The following CNTRL variants were observed in gnomAD, a reference collection of about 807,000 sequenced individuals.
CNTRL encodes 110 kDa centrosomal protein.
A neutral mutation model predicts 303.7 loss-of-function variants in CNTRL; 233 were observed. The observed-to-expected ratio is 0.77, with a 90% CI of 0.69 to 0.86. The LOEUF (loss-of-function observed/expected upper bound fraction) is 0.86. Among genes scored for constraint, CNTRL ranks in the 40% least tolerant of loss-of-function variants. The probability of loss-of-function intolerance (pLI) is 0.00; values close to 1 mark genes in which losing one functional copy is unlikely to be tolerated. For synonymous variants in CNTRL, 900 were observed against 922.2 expected, an observed-to-expected ratio of 0.98 and a Z score of 0.44; for missense variants, 2,524 against 2,650.6, an observed-to-expected ratio of 0.95 and a Z score of 1.05.
In CNTRL at chr9:121,123,058, T is replaced by G. The variant is rs118183025; in HGVS notation, c.1651-873T>G. 4.6e-3 allele frequency among the ~76,000 whole-genome samples: 702 copies of G among 152,322 alleles called. 7 individuals carry two copies. Among genetic ancestry groups the G allele is most frequent in the Non-Finnish European group, 4.9e-3 (336 of 68,022 alleles). ...TTATCTATTTCATACCTCTATTTTC[T>G]TCTAAGAAACCTTTTTTAAAAAGTA... On this transcript the variant is annotated intron_variant, in intron 12 of 43. Transcript: ENST00000373855.
chr9:121,096,579 T>G lies in CNTRL; in HGVS notation c.621+16T>G. 7.1e-7 allele frequency: 1 copy of G among 1,408,388 alleles called. No individual in the cohort carries two copies. The allele number at this position is 1,408,388 out of a possible 1,614,324, so 87.2% of individuals were successfully genotyped here. On this transcript the variant is annotated intron_variant, in intron 6 of 43. Coordinates refer to ENST00000373855, the MANE Select transcript of CNTRL (RefSeq NM_007018.6). ...GATATCATCGGTAAGTTATTCAAAATAGCAGGAATTTTTAGACTTGTTAAA... is the reference window on the plus strand; with the variant it reads ...GATATCATCGGTAAGTTATTCAAAAGAGCAGGAATTTTTAGACTTGTTAAA...
Position 121,164,949 on chromosome 9 carries a change from A to T in CNTRL, c.5430A>T (p.Leu1810Phe). The T allele has an allele frequency of 6.2e-7, 1 of 1,610,252 alleles. No individual in the cohort carries two copies. Among genetic ancestry groups the T allele is most frequent in the Non-Finnish European group, 8.5e-7 (1 of 1,178,864 alleles). Residue 1810 changes from leucine to phenylalanine, a missense_variant, in exon 35 of 44, where the codon TTA (leucine) becomes TTT (phenylalanine). Transcript: ENST00000373855. ...GACTTACTCTCTGTGGTAGGGTTTTAGCAGCAGCAGAAGAAAATAGCAAAA... is the reference window on the plus strand; with the variant it reads ...GACTTACTCTCTGTGGTAGGGTTTTTGCAGCAGCAGAAGAAAATAGCAAAA... ...EKKLAQTKRV[L>F]AAAEENSKME...
chr9:121,164,496 C>T (rs2131806215), intron 34 of CNTRL, among the ~76,000 whole-genome samples: 1 of 152,310 alleles, frequency 6.6e-6, no homozygotes. Context: ...TTGATATACA[C>T]AACATGGATG....
chr9:121,154,826 G>C lies in CNTRL; in HGVS notation c.4278G>C (p.Lys1426Asn). The C allele has an allele frequency of 6.2e-7, 1 of 1,614,102 alleles. No individual in the cohort carries two copies. Among genetic ancestry groups the C allele is most frequent in the East Asian group, 2.2e-5 (1 of 44,888 alleles). The change falls in exon 27 of 44, where the codon AAG becomes AAC. Residue 1426 changes from lysine (K) to asparagine (N), a missense_variant. Lys to Asn is a moderately conservative substitution (Grantham distance 94). Transcript: ENST00000373855. ...DIVDEIECIE[K>N]TLLKRRSELR... Reference sequence around the variant, plus strand: ...TAGATGAAATTGAGTGCATTGAGAAGACTCTTCTGAAACGTCGCTCAGAGC... The same window carrying C: ...TAGATGAAATTGAGTGCATTGAGAACACTCTTCTGAAACGTCGCTCAGAGC...
intron 21 of CNTRL, 98 bp from the exon 22 acceptor site, chr9:121,145,146 G>C: frequency 2.2e-6 from 3 of 1,394,118 alleles, no homozygotes; most frequent in Non-Finnish European, 2.9e-6. Flanking sequence ...CTGGGAAAGT[G>C]TAAATAAATA....
At chr9:121,127,082 A>G (rs2050574029) in intron 14 of CNTRL, among the ~76,000 whole-genome samples, 1 of 152,130 alleles carries the variant, frequency 6.6e-6, no homozygotes, top group Admixed American at 6.5e-5. Flanking sequence ...GGCCTCTGAA[A>G]GTGCTCGGAT....
chr9:121,169,929 C>A, intron 39 of CNTRL, 113 bp downstream of exon 39: 1 of 852,504 alleles, frequency 1.2e-6, no homozygotes, highest in Non-Finnish European at 1.8e-6. Flanking sequence ...AGTCCTGAAC[C>A]CAGCTGTTGT....
intron 40 of CNTRL, among the ~76,000 whole-genome samples, chr9:121,172,489 A>G (rs2053351673): frequency 1.3e-5 from 2 of 152,054 alleles, no homozygotes; most frequent in Non-Finnish European, 2.9e-5. Flanking sequence ...AAAAATACAA[A>G]AAGTAGCTAG....
intron 25 of CNTRL, among the ~76,000 whole-genome samples, chr9:121,151,491 G>A (rs947670653): frequency 8.2e-5 from 12 of 145,480 alleles, no homozygotes; most frequent in African/African-American, 3.0e-4. Context: ...CCCGGGTTCA[G>A]GCAATTCTCC....
At chr9:121,164,746 GAGTC>G (rs1314367995) in intron 34 of CNTRL, among the ~76,000 whole-genome samples, 193 bp from the exon 35 acceptor site, 5 of 152,152 alleles carry the variant, frequency 3.3e-5, no homozygotes, top group South Asian at 4.1e-4. Context: ...TCAATTTAGT[GAGTC>G]AGTTTTTGAA....
chr9:121,130,571 CA>C (rs1588193118), intron 14 of CNTRL, among the ~76,000 whole-genome samples: 1 of 152,000 alleles, frequency 6.6e-6, no homozygotes, highest in African/African-American at 2.4e-5. Flanking sequence ...TTGATCTTTT[CA>C]AAAAACCAGC....
chr9:121,129,053 A>G (rs996972235), intron 14 of CNTRL, among the ~76,000 whole-genome samples: 1 of 152,206 alleles, frequency 6.6e-6, no homozygotes, highest in Admixed American at 6.5e-5. Context: ...GCCTTGTAGT[A>G]TAGTTTAAAG....
At chr9:121,127,226 A>G (rs952328854) in intron 14 of CNTRL, among the ~76,000 whole-genome samples, 1 of 152,142 alleles carries the variant, frequency 6.6e-6, no homozygotes, top group Non-Finnish European at 1.5e-5. Flanking sequence ...TTTATTATTT[A>G]TTCCTTCTCT....
At position 121,135,883 on chromosome 9, in the gene CNTRL, C is replaced by T; in HGVS notation, c.2103C>T (p.Leu701=). Residue 701 remains leucine, a synonymous_variant, in exon 15 of 44, where the codon CTC becomes CTT. Transcript: ENST00000373855. ...NASLQQTQGD[L]SAYEAELEAR... The stretch of plus-strand genomic sequence containing the variant: ...CTTTGCAGCAGACCCAGGGAGATCT[C>T]AGTGCCTATGAAGCTGAGCTAGAGG... 6.2e-7 allele frequency: 1 copy of T among 1,614,088 alleles called. No homozygotes were observed. Among genetic ancestry groups the T allele is most frequent in the South Asian group, 1.1e-5 (1 of 91,078 alleles).
chr9:121,119,524 G>T (rs1198441236), intron 12 of CNTRL, among the ~76,000 whole-genome samples: 1 of 151,830 alleles, frequency 6.6e-6, no homozygotes, highest in African/African-American at 2.4e-5. Context: ...TTGATCTCCT[G>T]ACCTTGTGAT....
In CNTRL at chr9:121,146,213, G is replaced by C. The variant is rs781677702; in HGVS notation, c.3416G>C (p.Arg1139Thr). Residue 1139 changes from arginine to threonine, a missense_variant, in exon 23 of 44, where the codon AGA (arginine) becomes ACA (threonine). By Grantham distance (71) the Arg-to-Thr change is moderately conservative (BLOSUM62 -1). Coordinates refer to ENST00000373855, the MANE Select transcript of CNTRL (RefSeq NM_007018.6). ...YISSMADPFK[R>T]RGYWYFMPPP... ...AGCAGCATGGCAGATCCTTTCAAAAGACGAGGCTATTGGTACTTTATGCCA... is the reference window on the plus strand; with the variant it reads ...AGCAGCATGGCAGATCCTTTCAAAACACGAGGCTATTGGTACTTTATGCCA... The C allele has an allele frequency of 5.0e-6, 8 of 1,613,592 alleles. No individual in the cohort carries two copies. In the South Asian group the frequency reaches 8.8e-5, roughly 18 times the overall value.
At chr9:121,170,525 A>C (rs2053262400) in intron 39 of CNTRL, among the ~76,000 whole-genome samples, 1 of 151,726 alleles carries the variant, frequency 6.6e-6, no homozygotes, top group Admixed American at 6.6e-5. Context: ...GCATGATCTC[A>C]GTTCACTGCA....
At chr9:121,134,782 C>T (rs187393751) in intron 14 of CNTRL, among the ~76,000 whole-genome samples, 1 of 152,252 alleles carries the variant, frequency 6.6e-6, no homozygotes. Flanking sequence ...AAAATAGTAT[C>T]TTAAGTTAAC....
chr9:121,124,209 G>T, intron 13 of CNTRL, 125 bp downstream of exon 13: 1 of 827,124 alleles, frequency 1.2e-6, no homozygotes, highest in African/African-American at 1.8e-5. Context: ...GTATTTGATA[G>T]GGAAATATTT....
Sources: allele counts gnomAD v4.1 joint callset (sites outside exome capture counted in the v4.1 genomes callset), GRCh38; gene constraint gnomAD v4.1.1; transcripts MANE v1.5; gene names NCBI Gene and HGNC (gene_info 2026-07-23, HGNC 2026-07-21).